DOCK8: variants seen among roughly 807,000 people sequenced by gnomAD.
The protein encoded by DOCK8 is dedicator of cytokinesis protein 8.
A neutral mutation model predicts 245.6 loss-of-function variants in DOCK8; 141 were observed. The ratio of observed to expected loss-of-function variants is 0.57; its 90% CI spans 0.50 to 0.66. DOCK8 has a LOEUF of 0.66. Among genes scored for constraint, DOCK8 ranks in the 30% least tolerant of loss-of-function variants. The pLI is 0.00. For synonymous variants in DOCK8, 1,168 were observed against 970.2 expected (o/e 1.20, Z -3.79); for missense variants, 2,965 against 2,603.4 (o/e 1.14, Z -3.02).
intron 9 of DOCK8, among the ~76,000 whole-genome samples, chr9:328,821 A>G (rs749852405): frequency 1.3e-4 from 19 of 151,418 alleles, no homozygotes; most frequent in East Asian, 1.9e-4. Context: ...ATTCTAGGCT[A>G]TACTCTTTGC....
intron 46 of DOCK8, among the ~76,000 whole-genome samples, chr9:453,427 ATTATT>A (rs1001803683): frequency 2.0e-5 from 3 of 152,094 alleles, no homozygotes; most frequent in Non-Finnish European, 4.4e-5. Context: ...GAATTATTTT[ATTATT>A]TTATTTTATT....
At chr9:330,961 T>A (rs2050983484) in intron 9 of DOCK8, among the ~76,000 whole-genome samples, 1 of 152,192 alleles carries the variant, frequency 6.6e-6, no homozygotes, top group African/African-American at 2.4e-5. Context: ...TCCTGTATGT[T>A]CCATGATACA....
intron 10 of DOCK8, among the ~76,000 whole-genome samples, chr9:333,143 T>A (rs115100313): frequency 0.013 from 1,959 of 152,286 alleles, 41 homozygotes; most frequent in African/African-American, 0.045. Flanking sequence ...CTCCTGGCCT[T>A]CCTCAACAGC....
At chr9:234,320 G>A (rs1429045707) in intron 1 of DOCK8, among the ~76,000 whole-genome samples, 1 of 152,168 alleles carries the variant, frequency 6.6e-6, no homozygotes, top group African/African-American at 2.4e-5. Context: ...CTCTCTGGCT[G>A]CCCTTAACAT....
chr9:247,580 C>G (rs915343212), intron 1 of DOCK8, among the ~76,000 whole-genome samples: 2 of 152,146 alleles, frequency 1.3e-5, no homozygotes, highest in Non-Finnish European at 2.9e-5. Flanking sequence ...GTCGCCCAGG[C>G]TGAAGTGCAG....
At chr9:245,471 G>A (rs1002173347) in intron 1 of DOCK8, among the ~76,000 whole-genome samples, 1 of 152,126 alleles carries the variant, frequency 6.6e-6, no homozygotes, top group Non-Finnish European at 1.5e-5. Context: ...GCCTCCCAAA[G>A]TGCTGGGATT....
At chr9:429,357 A>C (rs2056623165) in intron 35 of DOCK8, among the ~76,000 whole-genome samples, 1 of 152,206 alleles carries the variant, frequency 6.6e-6, no homozygotes, top group Admixed American at 6.5e-5. Flanking sequence ...CATCCTTCTC[A>C]GGACCATTTT....
At chr9:344,913 G>T (rs561655764) in intron 14 of DOCK8, among the ~76,000 whole-genome samples, 1 of 152,068 alleles carries the variant, frequency 6.6e-6, no homozygotes, top group African/African-American at 2.4e-5. Context: ...GTAACTGGGC[G>T]TGGTGGTGGG....
chr9:375,455 G>A (rs1042192118), intron 18 of DOCK8, among the ~76,000 whole-genome samples: 4 of 152,174 alleles, frequency 2.6e-5, no homozygotes, highest in African/African-American at 9.7e-5. Flanking sequence ...GTGGTGAAAG[G>A]GAAAGTAATA....
chr9:445,084 C>T (rs1421636227), intron 43 of DOCK8, among the ~76,000 whole-genome samples: 2 of 152,216 alleles, frequency 1.3e-5, no homozygotes. Context: ...ACTTAAGACA[C>T]ATTCCCTAGC....
At position 287,916 on chromosome 9, in the gene DOCK8, G is replaced by C. The variant is rs950872796; in HGVS notation, c.332+1280G>C. Among the ~76,000 whole-genome samples the C allele has an allele frequency of 2.0e-5, 3 of 152,244 alleles. No individual in the cohort carries two copies. In the East Asian group the frequency reaches 5.8e-4, roughly 29 times the overall value. ...TAGCCAGTCACCGCAGCTTGTTCCT[G>C]TGGTCCCAGCTACTTGGGAGGCTGA... On this transcript the variant is annotated intron_variant, in intron 3 of 47. Transcript: ENST00000432829.
In DOCK8 at chr9:429,791, C is replaced by T. The variant is rs370171781; in HGVS notation, c.4563C>T (p.Val1521=). ...VLHHCSSSMD[V]TRSQACATLY... ...ACCACTGCAGCAGCAGCATGGATGT[C>T]ACCCGGAGCCAAGCCTGTGCCACCC... The change falls in exon 36 of 48, where the codon GTC becomes GTT. Residue 1521 remains valine (V), a synonymous_variant. Coordinates refer to ENST00000432829, the MANE Select transcript of DOCK8 (RefSeq NM_203447.4). 2.5e-6 allele frequency: 4 copies of T among 1,614,208 alleles called. No individual in the cohort carries two copies. The highest frequency in any genetic ancestry group is 3.4e-6 in the Non-Finnish European group (4 of 1,180,036).
chr9:311,078 G>C (rs908113700), intron 5 of DOCK8, among the ~76,000 whole-genome samples: 29 of 152,062 alleles, frequency 1.9e-4, no homozygotes, highest in Admixed American at 4.6e-4. Flanking sequence ...CTAAGGTCAG[G>C]AGTTTCAGAC....
chr9:355,196 T>TC (rs1227235877), intron 14 of DOCK8, among the ~76,000 whole-genome samples: 11,950 of 26,478 alleles, frequency 0.45, 1,317 homozygotes, highest in African/African-American at 0.5. Flanking sequence ...TCTTTTCTTT[T>TC]TTTTTTTTTT....
In DOCK8 at chr9:405,038, G is replaced by C; in HGVS notation, c.3355G>C (p.Ala1119Pro). 3 of 1,613,734 alleles carry C rather than the reference G, an allele frequency of 1.9e-6. No homozygotes were observed. The highest frequency in any genetic ancestry group is 2.5e-6 in the Non-Finnish European group (3 of 1,179,904). The part of the protein sequence containing the change: ...LNLFFMNADT[A>P]PTSPCPSISS... ...CCTTTTTTTTATGAATGCTGATACT[G>C]CTCCAACATCTCCTTGTCCTTCCAT... Residue 1119 changes from alanine (A) to proline (P), a missense_variant, in exon 27 of 48, where the codon GCT (alanine) becomes CCT (proline). By Grantham distance (27) the Ala-to-Pro change is conservative (BLOSUM62 -1). This residue lies in a region of DOCK8 where 2,825 missense variants were observed against 2,453.5 expected (regional missense o/e 1.15). Transcript: ENST00000432829.
chr9:264,025 G>A (rs1388278102), intron 1 of DOCK8, among the ~76,000 whole-genome samples: 1 of 152,134 alleles, frequency 6.6e-6, no homozygotes, highest in Non-Finnish European at 1.5e-5. Flanking sequence ...TTCTGCTCCA[G>A]TTTCATCTCT....
In DOCK8 at chr9:368,047, T is replaced by C. The variant is rs565538903; in HGVS notation, c.1709T>C (p.Leu570Pro). The C allele has an allele frequency of 6.2e-7, 1 of 1,614,186 alleles. No individual in the cohort carries two copies. The change falls in exon 15 of 48, where the codon CTG (leucine) becomes CCG (proline). Residue 570 changes from leucine (L) to proline (P), a missense_variant. Leu to Pro is a moderately conservative substitution (Grantham distance 98). Coordinates refer to ENST00000432829, the MANE Select transcript of DOCK8 (RefSeq NM_203447.4). The stretch of plus-strand genomic sequence containing the variant: ...CTTCTCTATGTCTACCCACAGAGGC[T>C]GAACTTTGTAAACAAACTAGCATCA... ...RNLLYVYPQRLNFVNKLASAR... is the reference protein window; with the variant it reads ...RNLLYVYPQRPNFVNKLASAR...
chr9:447,960 A>G (rs16908874), intron 44 of DOCK8, among the ~76,000 whole-genome samples: 13,180 of 152,280 alleles, frequency 0.087, 851 homozygotes, highest in African/African-American at 0.18. Flanking sequence ...ACACTGAGAC[A>G]TTCTAGGCAT....
chr9:271,978 G>A lies in DOCK8; in HGVS notation c.156+249G>A, dbSNP rs146316169. On this transcript the variant is annotated intron_variant, in intron 2 of 47. Transcript: ENST00000432829. ...TGTCTCTAGACTAGGTGGGCTTCCA[G>A]GTGACTCAGTCTCATCCAAATTATG... is the stretch of plus-strand genomic sequence containing the variant. Among the ~76,000 whole-genome samples, 5 of 152,222 alleles carry A rather than the reference G, an allele frequency of 3.3e-5. No homozygotes were observed. The East Asian group carries it at 9.7e-4, about 29-fold the overall frequency.
Sources: allele counts gnomAD v4.1 joint callset (sites outside exome capture counted in the v4.1 genomes callset), GRCh38; gene constraint gnomAD v4.1.1; regional missense constraint gnomAD v4.1.1; transcripts MANE v1.5; gene names NCBI Gene and HGNC (gene_info 2026-07-23, HGNC 2026-07-21).